Variants in FGFR2 observed in about 807,000 individuals in gnomAD.
FGFR2 encodes BEK fibroblast growth factor receptor.
In FGFR2, 19 loss-of-function variants were observed where a neutral mutation model predicts 95.9. The ratio of observed to expected loss-of-function variants is 0.20; its 90% confidence interval spans 0.14 to 0.29. The LOEUF is 0.29. FGFR2 is among the 10% of genes least tolerant of loss of function. FGFR2 has a pLI of 1.00. For missense variants in FGFR2, 707 were observed against 1,056.9 expected, an observed-to-expected ratio of 0.67 and a Z score of 4.59; for synonymous variants, 392 against 393.3, an observed-to-expected ratio of 1.00 and a Z score of 0.04.
chr10:121,531,105 A>C lies in FGFR2; in HGVS notation c.748+7487T>G, dbSNP rs1311136957. Among the ~76,000 whole-genome samples the C allele has an allele frequency of 6.6e-6, 1 of 152,210 alleles. No homozygotes were observed. The highest frequency in any genetic ancestry group is 1.5e-5 in the Non-Finnish European group (1 of 68,042). ...ACCCAGGCCCCCTGCAAGAATCGAAAGCAATCAATAAGGCTTCCTTCCTCA... is the reference window on the plus strand; with the variant it reads ...ACCCAGGCCCCCTGCAAGAATCGAACGCAATCAATAAGGCTTCCTTCCTCA... On this transcript the variant is annotated intron_variant, in intron 6 of 17. Transcript: ENST00000358487. The surrounding 1 kb of genome is among the most constrained non-coding windows in gnomAD (Gnocchi z 4.5).
chr10:121,570,738 T>C (rs748432487), intron 2 of FGFR2, among the ~76,000 whole-genome samples: 15 of 152,214 alleles, frequency 9.9e-5, no homozygotes. Flanking sequence ...TTTCACAATA[T>C]GAATTAAAAG....
chr10:121,488,358 C>G (rs1162049462), intron 13 of FGFR2, among the ~76,000 whole-genome samples: 1 of 151,756 alleles, frequency 6.6e-6, no homozygotes, highest in Admixed American at 6.6e-5. Context: ...CTGGCCAACA[C>G]GGCAAAATCC....
In FGFR2 at chr10:121,531,892, G is replaced by C. The variant is rs1487155489; in HGVS notation, c.748+6700C>G. On this transcript the variant is annotated intron_variant, in intron 6 of 17. Transcript: ENST00000358487. The surrounding 1 kb of genome is among the most constrained non-coding windows in gnomAD (Gnocchi z 4.5). ...TGCTGGGGACACGAAAGCGGCAAAA[G>C]GAAGGTGCTTCCTCCTCAACTCCGC... 6.6e-6 allele frequency among the ~76,000 whole-genome samples: 1 copy of C among 152,170 alleles called. No homozygotes were observed. Among genetic ancestry groups the C allele is most frequent in the African/African-American group, 2.4e-5 (1 of 41,442 alleles).
At position 121,596,620 on chromosome 10, in the gene FGFR2, G is replaced by A. The variant is rs1041428285; in HGVS notation, c.-151+1342C>T. Reference sequence around the variant, plus strand: ...GAGCGGGAGCTGTCAAGGGGTCAAGGCTAGGGGGAAATTCCTCAACAAATT... The same window carrying A: ...GAGCGGGAGCTGTCAAGGGGTCAAGACTAGGGGGAAATTCCTCAACAAATT... On this transcript the variant is annotated intron_variant, in intron 1 of 17. Transcript: ENST00000358487. 16 of 204,786 alleles carry A rather than the reference G, an allele frequency of 7.8e-5. No individual in the cohort carries two copies. In the East Asian group the frequency reaches 1.1e-3, roughly 14 times the overall value. The allele number at this position is 204,786 out of a possible 1,614,324, so 12.7% of individuals were successfully genotyped here. A position where few individuals can be genotyped will look rare whatever the true frequency, so the allele number is the denominator to read the frequency against.
intron 5 of FGFR2, among the ~76,000 whole-genome samples, chr10:121,546,968 T>C (rs747444341): frequency 1.2e-4 from 18 of 152,218 alleles, no homozygotes; most frequent in Non-Finnish European, 2.9e-5. Flanking sequence ...CTCATGCCTG[T>C]AATCCCAGCA....
chr10:121,542,200 C>T (rs1318909061), intron 5 of FGFR2, among the ~76,000 whole-genome samples: 1 of 152,082 alleles, frequency 6.6e-6, no homozygotes, highest in Non-Finnish European at 1.5e-5. Context: ...AAAGCAGACA[C>T]ATTTACCACC....
intron 10 of FGFR2, 60 bp downstream of exon 10, chr10:121,503,730 C>A (rs1847900596): frequency 6.3e-7 from 1 of 1,583,238 alleles, no homozygotes; most frequent in Non-Finnish European, 8.7e-7. Context: ...AAATGTTAAT[C>A]CAATATCCCC....
chr10:121,501,034 C>T (rs2134016093), intron 10 of FGFR2, 87 bp from the exon 11 acceptor site: 1 of 1,580,962 alleles, frequency 6.3e-7, no homozygotes, highest in South Asian at 1.1e-5. Context: ...AAAAATCTTT[C>T]AGCGGCTTAC....
intron 4 of FGFR2, among the ~76,000 whole-genome samples, chr10:121,553,294 C>T (rs994480943): frequency 6.6e-6 from 1 of 152,110 alleles, no homozygotes; most frequent in Non-Finnish European, 1.5e-5. Context: ...TGAATTCCTT[C>T]CTTTGAATCC....
At chr10:121,588,239 T>C (rs1862119577) in intron 2 of FGFR2, among the ~76,000 whole-genome samples, 1 of 150,508 alleles carries the variant, frequency 6.6e-6, no homozygotes, top group Non-Finnish European at 1.5e-5. Flanking sequence ...GAGGTCTACT[T>C]GAGGGTGGAG....
intron 2 of FGFR2, among the ~76,000 whole-genome samples, chr10:121,585,998 T>C (rs1010662852): frequency 6.6e-5 from 10 of 152,276 alleles, no homozygotes; most frequent in African/African-American, 2.4e-4. Context: ...AACTTAACCA[T>C]TGCAATGATC....
At chr10:121,560,764 C>T (rs1047927816) in intron 4 of FGFR2, among the ~76,000 whole-genome samples, 4 of 151,984 alleles carry the variant, frequency 2.6e-5, no homozygotes, top group East Asian at 3.9e-4. Context: ...CACTGTTTTA[C>T]GAACAAGACC....
intron 17 of FGFR2, among the ~76,000 whole-genome samples, chr10:121,481,621 G>A (rs1844699326): frequency 6.6e-6 from 1 of 152,010 alleles, no homozygotes. Context: ...TTTTTCTTGA[G>A]CATATGGTAA....
intron 6 of FGFR2, chr10:121,538,327 T>TCAGACATTTCATAC: frequency 1.3e-6 from 1 of 781,086 alleles, no homozygotes. Flanking sequence ...TTCCAAAATG[T>TCAGACATTTCATAC]CAGACATTTC....
At position 121,542,453 on chromosome 10, in the gene FGFR2, C is replaced by G. The variant is rs1853906548; in HGVS notation, c.625-3738G>C. On this transcript the variant is annotated intron_variant, in intron 5 of 17. Transcript: ENST00000358487. ...CAATAGTAGCTACCCCCTGCAGAAC[C>G]AATGGATCTGGCAAAACAAACACAA... Among the ~76,000 whole-genome samples the G allele has an allele frequency of 5.9e-5, 9 of 152,096 alleles. No homozygotes were observed. The South Asian group carries it at 1.9e-3, about 32-fold the overall frequency.
intron 2 of FGFR2, among the ~76,000 whole-genome samples, chr10:121,578,241 TG>T (rs5788502): frequency 0.99 from 151,406 of 152,184 alleles, 75,321 homozygotes; most frequent in Middle Eastern, 1. Context: ...AAGAACATCA[TG>T]GCGCATTGAG....
At position 121,597,284 on chromosome 10, in the gene FGFR2, C is replaced by G. The variant is rs935250520; in HGVS notation, c.-151+678G>C. Reference sequence around the variant, plus strand: ...GAGCGCGCAAGTTAGAACTCGCCTGCGCTTTCGACATCTCCCAGCCGCTGC... The same window carrying G: ...GAGCGCGCAAGTTAGAACTCGCCTGGGCTTTCGACATCTCCCAGCCGCTGC... On this transcript the variant is annotated intron_variant, in intron 1 of 17. Coordinates refer to ENST00000358487, the MANE Select transcript of FGFR2 (RefSeq NM_000141.5). Among the ~76,000 whole-genome samples, 29 of 152,346 alleles carry G rather than the reference C, an allele frequency of 1.9e-4. No individual in the cohort carries two copies. In the East Asian group the frequency reaches 5.6e-3, roughly 29 times the overall value.
At chr10:121,551,576 T>C in intron 4 of FGFR2, 117 bp from the exon 5 acceptor site, 1 of 965,668 alleles carries the variant, frequency 1.0e-6, no homozygotes. Flanking sequence ...ATTTTTTAAA[T>C]CTTTGGGTAA....
chr10:121,597,772 C>A (rs1863679820), intron 1 of FGFR2, among the ~76,000 whole-genome samples, 190 bp downstream of exon 1: 1 of 152,252 alleles, frequency 6.6e-6, no homozygotes, highest in Non-Finnish European at 1.5e-5. Flanking sequence ...TTCCAGAACG[C>A]CGGCCGTCAG....
Sources: gnomAD v4.1 joint callset for allele counts (sites outside exome capture counted in the v4.1 genomes callset) on GRCh38, gnomAD v4.1.1 for gene constraint, Gnocchi (gnomAD v3.1) non-coding constraint, MANE v1.5 for transcripts, NCBI Gene and HGNC (gene_info 2026-07-23, HGNC 2026-07-21) for gene names.